Variants in PREPL observed in about 807,000 individuals in gnomAD.
PREPL encodes the protein prolyl endopeptidase like.
PREPL carries 77 observed loss-of-function variants against 70.6 expected under a neutral mutation model. That is an observed-to-expected ratio of 1.09 (90% confidence interval 0.91 to 1.32). The LOEUF is 1.32. Ranked by LOEUF, PREPL falls within the 40% of genes most tolerant of loss-of-function variation. The probability of loss-of-function intolerance (pLI) is 0.00; values close to 1 mark genes in which losing one functional copy is unlikely to be tolerated. For missense variants in PREPL, 1,002 were observed against 778.2 expected, an observed-to-expected ratio of 1.29 and a Z score of -3.42; for synonymous variants, 315 against 264.8, an observed-to-expected ratio of 1.19 and a Z score of -1.84.
Position 44,320,600 on chromosome 2 carries a change from C to CT in PREPL, c.*755dup, listed in dbSNP as rs777149216. 2.1e-5 allele frequency: 34 copies of CT among 1,613,934 alleles called. No individual in the cohort carries two copies. The highest frequency in any genetic ancestry group is 2.8e-5 in the Non-Finnish European group (33 of 1,179,892). On this transcript the variant is annotated 3_prime_UTR_variant, in exon 14 of 14. Transcript: ENST00000409411. ...GATGCTTTGTTTCCAATCGAGCATG[C>CT]TATTCCAGTGTACTGAACATACTGT...
chr2:44,318,243 A>C lies in PREPL; in HGVS notation c.*3113T>G, dbSNP rs1672602438. On this transcript the variant is annotated 3_prime_UTR_variant, in exon 14 of 14. Transcript: ENST00000409411. Reference sequence around the variant, plus strand: ...GTAGCTGGGATTACAGGTGCACGTCATTATGCCCGGGTAATTTCTGTATTT... The same window carrying C: ...GTAGCTGGGATTACAGGTGCACGTCCTTATGCCCGGGTAATTTCTGTATTT... The C allele has an allele frequency of 3.0e-6, 1 of 328,162 alleles. No individual in the cohort carries two copies. Among genetic ancestry groups the C allele is most frequent in the African/African-American group, 2.3e-5 (1 of 43,744 alleles). 20.3% of individuals were successfully genotyped at this position (328,162 alleles called of 1,614,324 possible).
chr2:44,340,460 G>A (rs1053375973), intron 5 of PREPL, among the ~76,000 whole-genome samples: 3 of 151,916 alleles, frequency 2.0e-5, no homozygotes, highest in South Asian at 2.1e-4. Context: ...ACTGAAAAAC[G>A]TAAAGAATCC....
rs1289510954 is a variant in PREPL, at chr2:44,320,437, G to C, written c.*919C>G. The C allele has an allele frequency of 1.2e-5, 19 of 1,613,990 alleles. No individual in the cohort carries two copies. Among genetic ancestry groups the C allele is most frequent in the Admixed American group, 1.7e-5 (1 of 60,000 alleles). On this transcript the variant is annotated 3_prime_UTR_variant, in exon 14 of 14. Coordinates refer to ENST00000409411, the MANE Select transcript of PREPL (RefSeq NM_001171613.2). ...ATTTCGGGCCTTCCCGCTAAAATGA[G>C]AATAAGGTTAAGTACCAATTCTGCC...
At chr2:44,339,116 C>G in intron 6 of PREPL, 31 bp downstream of exon 6, 1 of 1,610,898 alleles carries the variant, frequency 6.2e-7, no homozygotes, top group South Asian at 1.1e-5. Context: ...TCTTAACAGC[C>G]CAAATAGGAA....
At position 44,339,320 on chromosome 2, in the gene PREPL, T is replaced by C. The variant is rs756130943; in HGVS notation, c.529A>G (p.Thr177Ala). The change falls in exon 6 of 14, where the codon ACC becomes GCC. Residue 177 changes from threonine (T) to alanine (A), a missense_variant. Transcript: ENST00000409411. ...GTAGTCTTGTTCATAATATTTATGG[T>C]GAGGAAACGACTGTCTTTTGTAAGA... The part of the protein sequence containing the change: ...LYLTKDSRFL[T>A]INIMNKTTSE... 1.2e-6 allele frequency: 2 copies of C among 1,613,986 alleles called. No homozygotes were observed. Among genetic ancestry groups the C allele is most frequent in the Non-Finnish European group, 8.5e-7 (1 of 1,179,970 alleles).
In PREPL at chr2:44,323,367, A is replaced by G; in HGVS notation, c.1524T>C (p.Leu508=). 4 of 1,607,202 alleles carry G rather than the reference A, an allele frequency of 2.5e-6. No homozygotes were observed. The highest frequency in any genetic ancestry group is 3.4e-6 in the Non-Finnish European group (4 of 1,174,294). ...CTTCTAATTCTTCTAATGTCAGAGG[A>G]AGTGTAGTGTCCATCATGGTGTTGA... ...DVLNTMMDTT[L]PLTLEELEEW... is the part of the protein sequence containing the mutation. The change falls in exon 11 of 14, where the codon CTT becomes CTC. Residue 508 remains leucine (L), a synonymous_variant. Coordinates refer to ENST00000409411, the MANE Select transcript of PREPL (RefSeq NM_001171613.2).
chr2:44,331,549 G>A (rs1292575991), intron 8 of PREPL, among the ~76,000 whole-genome samples: 1 of 151,942 alleles, frequency 6.6e-6, no homozygotes, highest in Non-Finnish European at 1.5e-5. Context: ...CCAAATTCAG[G>A]GCCTCTATAC....
In PREPL at chr2:44,321,193, G is replaced by T; in HGVS notation, c.*163C>A. On this transcript the variant is annotated 3_prime_UTR_variant, in exon 14 of 14. Transcript: ENST00000409411. Reference sequence around the variant, plus strand: ...TGCATCAATGGAGAGAATAGTATAAGCAAGTGAGATGTAGACTAAGCAAAA... The same window carrying T: ...TGCATCAATGGAGAGAATAGTATAATCAAGTGAGATGTAGACTAAGCAAAA... 1 of 632,910 alleles carries T rather than the reference G, an allele frequency of 1.6e-6. No individual in the cohort carries two copies. The highest frequency in any genetic ancestry group is 4.4e-4 in the Middle Eastern group (1 of 2,264). The allele number at this position is 632,910 out of a possible 1,614,324, so 39.2% of individuals were successfully genotyped here.
chr2:44,320,718 T>A lies in PREPL; in HGVS notation c.*638A>T. On this transcript the variant is annotated 3_prime_UTR_variant, in exon 14 of 14. Coordinates refer to ENST00000409411, the MANE Select transcript of PREPL (RefSeq NM_001171613.2). ...TGTAATAGCTTCATGTACAGCATGC[T>A]GCTTGGTGAACAATCATTAATTCTT... The A allele has an allele frequency of 4.7e-6, 5 of 1,073,900 alleles. No homozygotes were observed. Among genetic ancestry groups the A allele is most frequent in the Non-Finnish European group, 7.2e-6 (5 of 692,296 alleles). 66.5% of individuals were successfully genotyped at this position (1,073,900 alleles called of 1,614,324 possible).
rs1675596004 is a variant in PREPL at position 44,344,687 on chromosome 2, C to A, written c.76-101G>T. On this transcript the variant is annotated intron_variant, in intron 2 of 13. Coordinates refer to ENST00000409411, the MANE Select transcript of PREPL (RefSeq NM_001171613.2). The stretch of plus-strand genomic sequence containing the variant: ...ATGAAATGAAGACTCTTATAAAAAA[C>A]AGACCTGTTGAAGTATATGAATGAA... 6.1e-6 allele frequency: 5 copies of A among 825,190 alleles called. No individual in the cohort carries two copies. The South Asian group carries it at 6.4e-5, about 10-fold the overall frequency. 51.1% of individuals were successfully genotyped at this position (825,190 alleles called of 1,614,324 possible). A position where few individuals can be genotyped will look rare whatever the true frequency, so the allele number is the denominator to read the frequency against.
chr2:44,336,680 A>C (rs1217172896), intron 7 of PREPL, among the ~76,000 whole-genome samples: 1 of 152,176 alleles, frequency 6.6e-6, no homozygotes, highest in Non-Finnish European at 1.5e-5. Context: ...TGAAAGTAAA[A>C]GTTAAAAAAA....
Position 44,342,567 on chromosome 2 carries a change from TG to T in PREPL, c.350-16del. 4 of 1,465,920 alleles carry T rather than the reference TG, an allele frequency of 2.7e-6. No individual in the cohort carries two copies. Among genetic ancestry groups the T allele is most frequent in the East Asian group, 2.3e-5 (1 of 43,428 alleles). The allele number at this position is 1,465,920 out of a possible 1,614,324, so 90.8% of individuals were successfully genotyped here. On this transcript the variant is annotated splice_polypyrimidine_tract_variant and intron_variant, in intron 4 of 13. Transcript: ENST00000409411. ...CTTTACCCATTCTGAAAGAAAATAA[TG>T]AGATAATTATACATAATCACCTACA... is the stretch of plus-strand genomic sequence containing the variant.
intron 6 of PREPL, 102 bp downstream of exon 6, chr2:44,339,045 A>T: frequency 6.6e-7 from 1 of 1,507,952 alleles, no homozygotes; most frequent in Non-Finnish European, 8.9e-7. Flanking sequence ...GGAAGGTGGC[A>T]TCAATTTATA....
chr2:44,319,618 T>C lies in PREPL; in HGVS notation c.*1738A>G, dbSNP rs117756680. On this transcript the variant is annotated 3_prime_UTR_variant, in exon 14 of 14. Transcript: ENST00000409411. ...AATCATCTTTAATGAACACATACTA[T>C]TATGGTAAAAAAAAGTCTACAATTT... 1 of 153,292 alleles carries C rather than the reference T, an allele frequency of 6.5e-6. No homozygotes were observed. Among genetic ancestry groups the C allele is most frequent in the East Asian group, 1.9e-4 (1 of 5,204 alleles). The allele number at this position is 153,292 out of a possible 1,614,324, so 9.5% of individuals were successfully genotyped here. A position where few individuals can be genotyped will look rare whatever the true frequency, so the allele number is the denominator to read the frequency against.
rs1190266903 is a variant in PREPL at position 44,331,193 on chromosome 2, T to C, written c.1086+1266A>G. Among the ~76,000 whole-genome samples, 5 of 152,332 alleles carry C rather than the reference T, an allele frequency of 3.3e-5. No homozygotes were observed. The East Asian group carries it at 7.7e-4, about 23-fold the overall frequency. ...TCTGGGCTCAAGTGATCCTCCCAGC[T>C]TGGCCTCCCAAAGTGTTGGGATTAC... On this transcript the variant is annotated intron_variant, in intron 8 of 13. Transcript: ENST00000409411.
At chr2:44,340,403 T>A (rs1425686393) in intron 5 of PREPL, among the ~76,000 whole-genome samples, 2 of 152,122 alleles carry the variant, frequency 1.3e-5, no homozygotes, top group Middle Eastern at 3.2e-3. Context: ...GCTTTAAATG[T>A]TATATTTATA....
Position 44,320,698 on chromosome 2 carries a change from T to C in PREPL, c.*658A>G, listed in dbSNP as rs1672863779. 6 of 1,262,938 alleles carry C rather than the reference T, an allele frequency of 4.8e-6. No homozygotes were observed. The highest frequency in any genetic ancestry group is 5.8e-6 in the Non-Finnish European group (5 of 861,052). The allele number at this position is 1,262,938 out of a possible 1,614,324, so 78.2% of individuals were successfully genotyped here. A position where few individuals can be genotyped will look rare whatever the true frequency, so the allele number is the denominator to read the frequency against. On this transcript the variant is annotated 3_prime_UTR_variant, in exon 14 of 14. Coordinates refer to ENST00000409411, the MANE Select transcript of PREPL (RefSeq NM_001171613.2). ...TCAGTGGGATTGTAAGCATTTGTAA[T>C]AGCTTCATGTACAGCATGCTGCTTG...
At position 44,320,597 on chromosome 2, in the gene PREPL, A is replaced by C; in HGVS notation, c.*759T>G. 6.2e-7 allele frequency: 1 copy of C among 1,614,026 alleles called. No homozygotes were observed. Among genetic ancestry groups the C allele is most frequent in the Non-Finnish European group, 8.5e-7 (1 of 1,179,934 alleles). On this transcript the variant is annotated 3_prime_UTR_variant, in exon 14 of 14. Coordinates refer to ENST00000409411, the MANE Select transcript of PREPL (RefSeq NM_001171613.2). The stretch of plus-strand genomic sequence containing the variant: ...ATAGATGCTTTGTTTCCAATCGAGC[A>C]TGCTATTCCAGTGTACTGAACATAC...
Position 44,320,405 on chromosome 2 carries a change from T to G in PREPL, c.*951A>C. On this transcript the variant is annotated 3_prime_UTR_variant, in exon 14 of 14. Transcript: ENST00000409411. ...GAGAATCAACACTGTTAAATCTACA[T>G]AATATGATTTCGGGCCTTCCCGCTA... The G allele has an allele frequency of 6.2e-7, 1 of 1,614,046 alleles. No individual in the cohort carries two copies. The highest frequency in any genetic ancestry group is 8.5e-7 in the Non-Finnish European group (1 of 1,179,900).
Sources: allele counts gnomAD v4.1 joint callset (sites outside exome capture counted in the v4.1 genomes callset), GRCh38; gene constraint gnomAD v4.1.1; transcripts MANE v1.5; gene names NCBI Gene and HGNC (gene_info 2026-07-23, HGNC 2026-07-21).